ASAP1: variants seen among roughly 807,000 people sequenced by gnomAD.
ASAP1 encodes arf-GAP with SH3 domain, ANK repeat and PH domain-containing protein 1.
A neutral mutation model predicts 145.2 loss-of-function variants in ASAP1; 43 were observed. The observed-to-expected ratio is 0.30, with a 90% CI of 0.23 to 0.38. The LOEUF (loss-of-function observed/expected upper bound fraction) is 0.38. ASAP1 is among the 10% of genes least tolerant of loss of function. The pLI is 1.00. For synonymous variants in ASAP1, 546 were observed against 515.5 expected (o/e 1.06, Z -0.80); for missense variants, 1,018 against 1,355.3 (o/e 0.75, Z 3.91).
rs1459788713 is a variant in ASAP1 at position 130,358,293 on chromosome 8, G to A, written c.60-150C>T. ...GCGCGCGGCTCCCGTCCCCGGCAGCGGCGAGAGGGAGGGAAGGAGGCGGGC... is the reference window on the plus strand; with the variant it reads ...GCGCGCGGCTCCCGTCCCCGGCAGCAGCGAGAGGGAGGGAAGGAGGCGGGC... On this transcript the variant is annotated intron_variant, in intron 2 of 29. Transcript: ENST00000518721. The surrounding 1 kb of genome is among the most constrained non-coding windows in gnomAD (Gnocchi z 4.1). 2 of 469,692 alleles carry A rather than the reference G, an allele frequency of 4.3e-6. No individual in the cohort carries two copies. The highest frequency in any genetic ancestry group is 9.0e-5 in the South Asian group (1 of 11,068). 29.1% of individuals were successfully genotyped at this position (469,692 alleles called of 1,614,324 possible).
At chr8:130,377,519 G>C (rs942219808) in intron 2 of ASAP1, among the ~76,000 whole-genome samples, 2 of 152,206 alleles carry the variant, frequency 1.3e-5, no homozygotes, top group African/African-American at 4.8e-5. Flanking sequence ...CCTCTGTGCT[G>C]AGTACCGGGA....
At chr8:130,246,094 G>GT (rs1341145029) in intron 3 of ASAP1, among the ~76,000 whole-genome samples, 4 of 152,004 alleles carry the variant, frequency 2.6e-5, no homozygotes, top group African/African-American at 9.7e-5. Flanking sequence ...ACTGCGAGTT[G>GT]TAAAGGAAGT....
chr8:130,301,417 T>C (rs137982406), intron 3 of ASAP1, among the ~76,000 whole-genome samples: 1 of 152,338 alleles, frequency 6.6e-6, no homozygotes, highest in Admixed American at 6.5e-5. Flanking sequence ...ATGTAAATTG[T>C]GTTCTAGAAT....
At chr8:130,236,879 A>T (rs1206471511) in intron 4 of ASAP1, 43 bp downstream of exon 4, 8 of 1,354,814 alleles carry the variant, frequency 5.9e-6, no homozygotes, top group Non-Finnish European at 6.2e-6. Flanking sequence ...CTCTGTAGAC[A>T]TTATTTATAA....
At chr8:130,373,223 C>A in intron 2 of ASAP1, among the ~76,000 whole-genome samples, 1 of 151,478 alleles carries the variant, frequency 6.6e-6, no homozygotes, top group East Asian at 1.9e-4. Flanking sequence ...CAGACACATT[C>A]ATTATGAATG....
chr8:130,349,217 T>C (rs962592366), intron 3 of ASAP1, among the ~76,000 whole-genome samples: 10 of 152,164 alleles, frequency 6.6e-5, no homozygotes, highest in Admixed American at 5.2e-4. Context: ...ATGGTCAAAG[T>C]GTTTGGTGTT....
intron 3 of ASAP1, among the ~76,000 whole-genome samples, chr8:130,303,110 A>T (rs1197682138): frequency 6.6e-6 from 1 of 152,232 alleles, no homozygotes; most frequent in Non-Finnish European, 1.5e-5. Context: ...GCCTGGAGAC[A>T]GAGGCTCCAG....
intron 9 of ASAP1, among the ~76,000 whole-genome samples, chr8:130,178,090 C>T (rs11774659): frequency 0.6 from 91,922 of 152,118 alleles, 29,714 homozygotes; most frequent in African/African-American, 0.86. Context: ...TTAAATGTTT[C>T]AGTTGAATAC....
intron 4 of ASAP1, among the ~76,000 whole-genome samples, chr8:130,219,327 C>T (rs554143123): frequency 1.3e-5 from 2 of 150,856 alleles, no homozygotes; most frequent in African/African-American, 4.9e-5. Flanking sequence ...TCAACAGGCA[C>T]AGAGAGTGAG....
chr8:130,118,916 C>A (rs913219915), intron 18 of ASAP1: 3 of 246,316 alleles, frequency 1.2e-5, no homozygotes, highest in Non-Finnish European at 2.3e-5. Flanking sequence ...ACATAAATCA[C>A]AGATTTCTTT....
chr8:130,150,267 T>C (rs1181573648), intron 13 of ASAP1, among the ~76,000 whole-genome samples: 2 of 152,168 alleles, frequency 1.3e-5, no homozygotes, highest in Admixed American at 6.5e-5. Context: ...GCCTTAAGAA[T>C]GCATATAAAC....
chr8:130,085,168 A>G (rs1470764237), intron 25 of ASAP1, among the ~76,000 whole-genome samples: 1 of 152,202 alleles, frequency 6.6e-6, no homozygotes, highest in Non-Finnish European at 1.5e-5. Context: ...TTAGGTATTA[A>G]TTCAAGAGTG....
chr8:130,396,320 T>C (rs11784953), intron 2 of ASAP1, among the ~76,000 whole-genome samples: 13,058 of 152,226 alleles, frequency 0.086, 632 homozygotes, highest in African/African-American at 0.14. Context: ...TTTCCCCAGG[T>C]TTGAGTGTAG....
intron 24 of ASAP1, among the ~76,000 whole-genome samples, chr8:130,099,415 C>T (rs375203590): frequency 1.1e-4 from 16 of 152,128 alleles, no homozygotes; most frequent in African/African-American, 3.4e-4. Flanking sequence ...CTCCTGACCT[C>T]GTGATCCGCC....
chr8:130,391,700 G>A (rs1432450032), intron 2 of ASAP1, among the ~76,000 whole-genome samples: 3 of 152,238 alleles, frequency 2.0e-5, no homozygotes, highest in African/African-American at 7.2e-5. Context: ...GGCACTCAGA[G>A]TATGTCAGTG....
At chr8:130,170,443 C>T (rs906971690) in intron 9 of ASAP1, among the ~76,000 whole-genome samples, 5 of 152,156 alleles carry the variant, frequency 3.3e-5, no homozygotes, top group African/African-American at 1.2e-4. Context: ...GTGTGAGCCA[C>T]TGCGCCCAGC....
intron 3 of ASAP1, among the ~76,000 whole-genome samples, chr8:130,303,711 T>C (rs1396021698): frequency 6.6e-6 from 1 of 152,146 alleles, no homozygotes. Flanking sequence ...TATGACATTC[T>C]GAAAAAGGCA....
At chr8:130,333,548 G>A (rs1189871203) in intron 3 of ASAP1, among the ~76,000 whole-genome samples, 1 of 152,202 alleles carries the variant, frequency 6.6e-6, no homozygotes. Flanking sequence ...AGGTTGTGGT[G>A]AGCCAAGATC....
intron 24 of ASAP1, among the ~76,000 whole-genome samples, chr8:130,097,511 C>T (rs1049236847): frequency 1.3e-5 from 2 of 152,184 alleles, no homozygotes; most frequent in Admixed American, 6.5e-5. Flanking sequence ...AAGTGGTTGC[C>T]GCTGAACCTA....
Sources: gnomAD v4.1 joint callset for allele counts (sites outside exome capture counted in the v4.1 genomes callset) on GRCh38, gnomAD v4.1.1 for gene constraint, Gnocchi (gnomAD v3.1) non-coding constraint, MANE v1.5 for transcripts, NCBI Gene and HGNC (gene_info 2026-07-23, HGNC 2026-07-21) for gene names.